The following CLCN4 variants were observed in gnomAD, a reference collection of about 807,000 sequenced individuals.
CLCN4 encodes the protein H(+)/Cl(-) exchange transporter 4.
CLCN4 carries 1 observed loss-of-function variant against 41.7 expected under a neutral mutation model. That is an observed-to-expected ratio of 0.02 (90% CI 0.01 to 0.11). The LOEUF (loss-of-function observed/expected upper bound fraction) is 0.11, where lower values mean the gene tolerates loss of function less well. Ranked by LOEUF, CLCN4 falls within the 10% of genes least tolerant of loss-of-function variation. CLCN4 has a pLI of 1.00. For synonymous variants in CLCN4, 277 were observed against 285.8 expected (o/e 0.97, Z 0.31); for missense variants, 287 against 661.0 (o/e 0.43, Z 6.20).
intron 11 of CLCN4, among the ~76,000 whole-genome samples, chrX:10,217,449 T>C (rs1924755784): frequency 8.9e-6 from 1 of 112,123 alleles, no homozygotes; most frequent in Non-Finnish European, 1.9e-5. Context: ...TCAGCAGCAC[T>C]TGCCCTCTCC....
chrX:10,178,517 T>C (rs1923591381), intron 2 of CLCN4, among the ~76,000 whole-genome samples: 1 of 111,848 alleles, frequency 8.9e-6, no homozygotes, highest in African/African-American at 3.3e-5. Context: ...ACAGAGCAGT[T>C]TCTAGAATGT....
At chrX:10,194,106 GGAGAA>G (rs1369672254) in intron 4 of CLCN4, among the ~76,000 whole-genome samples, 1 of 110,746 alleles carries the variant, frequency 9.0e-6, no homozygotes, top group Non-Finnish European at 1.9e-5. Context: ...TGCAACACCA[GGAGAA>G]GAGAAGGGAG....
At chrX:10,175,945 C>CCTCTCT (rs1259375232) in intron 2 of CLCN4, among the ~76,000 whole-genome samples, 103 of 42,012 alleles carry the variant, frequency 2.5e-3, no homozygotes, top group African/African-American at 8.4e-3. Flanking sequence ...CCTCCCTCTC[C>CCTCTCT]CTCTCTCTCT....
Position 10,234,844 on chromosome X carries a change from G to A in CLCN4, c.*1260G>A, listed in dbSNP as rs780485995. 4.0e-4 allele frequency: 45 copies of A among 112,070 alleles called. No homozygotes were observed. The highest frequency in any genetic ancestry group is 1.4e-3 in the East Asian group (5 of 3,571). The allele number at this position is 112,070 out of a possible 1,213,427, so 9.2% of individuals were successfully genotyped here. ...CATTTACTCTTTTAGTCAGGATTTC[G>A]GTCTTTTCTGCGGGAAGGAATTAAG... On this transcript the variant is annotated 3_prime_UTR_variant, in exon 13 of 13. Transcript: ENST00000380833.
intron 8 of CLCN4, 26 bp downstream of exon 8, chrX:10,206,802 C>A (rs998895027): frequency 5.4e-6 from 6 of 1,104,815 alleles, no homozygotes; most frequent in Non-Finnish European, 7.3e-6. Flanking sequence ...TGAGGGAATT[C>A]GTGATTTTGA....
intron 11 of CLCN4, among the ~76,000 whole-genome samples, chrX:10,218,108 A>G (rs996941302): frequency 1.8e-5 from 2 of 111,235 alleles, no homozygotes; most frequent in African/African-American, 6.5e-5. Flanking sequence ...TATATGACAA[A>G]CCTCCTACAT....
chrX:10,224,626 A>G (rs906153258), intron 12 of CLCN4, among the ~76,000 whole-genome samples: 2 of 111,425 alleles, frequency 1.8e-5, no homozygotes, highest in East Asian at 5.6e-4. Context: ...ATACATGTGC[A>G]GGAAGTGCAG....
chrX:10,202,414 A>G (rs778839954), intron 6 of CLCN4, among the ~76,000 whole-genome samples: 33 of 110,476 alleles, frequency 3.0e-4, no homozygotes, highest in African/African-American at 9.5e-4. Context: ...TAGAGGTTGC[A>G]GTGAGCTGAG....
chrX:10,195,407 C>G (rs1924071990), intron 5 of CLCN4, among the ~76,000 whole-genome samples: 1 of 111,086 alleles, frequency 9.0e-6, no homozygotes, highest in South Asian at 3.8e-4. Flanking sequence ...GTTTGCTGAT[C>G]ATGCTGAAGA....
chrX:10,209,072 T>C (rs1002634839), intron 9 of CLCN4, among the ~76,000 whole-genome samples: 8 of 111,593 alleles, frequency 7.2e-5, no homozygotes, highest in Non-Finnish European at 1.5e-4. Context: ...AAAGCTGCCC[T>C]TGCAGAGCAC....
chrX:10,200,914 C>A (rs1246513874), intron 6 of CLCN4, among the ~76,000 whole-genome samples: 3 of 111,804 alleles, frequency 2.7e-5, no homozygotes, highest in Non-Finnish European at 5.6e-5. Flanking sequence ...GTCTCTAACT[C>A]CTGGGCTTAA....
intron 11 of CLCN4, among the ~76,000 whole-genome samples, chrX:10,214,646 C>T (rs1342028168): frequency 8.9e-6 from 1 of 112,688 alleles, no homozygotes; most frequent in African/African-American, 3.2e-5. Flanking sequence ...GGTAAATGTG[C>T]AGACATCGCT....
intron 9 of CLCN4, among the ~76,000 whole-genome samples, chrX:10,210,756 A>C (rs1055357670): frequency 9.7e-6 from 1 of 103,282 alleles, no homozygotes; most frequent in Non-Finnish European, 2.0e-5. Flanking sequence ...TCTGGGCTCA[A>C]GTGATCCTCC....
intron 9 of CLCN4, among the ~76,000 whole-genome samples, chrX:10,210,974 T>A (rs1304594107): frequency 7.1e-4 from 74 of 104,291 alleles, no homozygotes; most frequent in Non-Finnish European, 9.6e-4. Flanking sequence ...TTTTTTTTTT[T>A]AAATTTAATG....
intron 6 of CLCN4, among the ~76,000 whole-genome samples, chrX:10,199,279 C>G (rs1924175927): frequency 8.9e-6 from 1 of 112,072 alleles, no homozygotes; most frequent in South Asian, 3.6e-4. Flanking sequence ...GAATTAGGGG[C>G]ACAATACACA....
intron 6 of CLCN4, among the ~76,000 whole-genome samples, chrX:10,200,350 G>A (rs757098408): frequency 4.1e-4 from 46 of 112,898 alleles, no homozygotes; most frequent in Non-Finnish European, 7.5e-4. Flanking sequence ...ACCAAGTGTC[G>A]TAGCAGAGCT....
intron 2 of CLCN4, among the ~76,000 whole-genome samples, chrX:10,179,625 G>T (rs939323105): frequency 9.0e-6 from 1 of 111,275 alleles, no homozygotes; most frequent in Non-Finnish European, 1.9e-5. Flanking sequence ...AGTCCATCAG[G>T]TCCCCTCTAT....
At chrX:10,231,994 A>G (rs1925138782) in intron 12 of CLCN4, among the ~76,000 whole-genome samples, 1 of 112,123 alleles carries the variant, frequency 8.9e-6, no homozygotes, top group South Asian at 3.7e-4. Context: ...AAGAAAAACA[A>G]TCCCTGTAGG....
chrX:10,186,144 T>C (rs1420759349), intron 3 of CLCN4, among the ~76,000 whole-genome samples: 2 of 110,953 alleles, frequency 1.8e-5, no homozygotes, highest in Non-Finnish European at 3.8e-5. Flanking sequence ...ACTGGCAGAC[T>C]GCGGAGGAGG....
Sources: gnomAD v4.1 joint callset for allele counts (sites outside exome capture counted in the v4.1 genomes callset) on GRCh38, gnomAD v4.1.1 for gene constraint, MANE v1.5 for transcripts, NCBI Gene and HGNC (gene_info 2026-07-23, HGNC 2026-07-21) for gene names.